The following PLOD2 variants were observed in gnomAD, a reference collection of about 807,000 sequenced individuals.
PLOD2 encodes lysine hydroxylase 2.
Under a neutral mutation model 101.0 loss-of-function variants are expected in PLOD2, and 65 were observed. The ratio of observed to expected loss-of-function variants is 0.64; its 90% CI spans 0.53 to 0.79. The LOEUF is 0.79. Among genes scored for constraint, PLOD2 ranks in the 30% least tolerant of loss-of-function variants. PLOD2 has a pLI of 0.00. For synonymous variants in PLOD2, 314 were observed against 302.9 expected (o/e 1.04, Z -0.38); for missense variants, 909 against 914.6 (o/e 0.99, Z 0.08).
At chr3:146,110,131 TC>T (rs1937601814) in intron 4 of PLOD2, among the ~76,000 whole-genome samples, 153 bp downstream of exon 4, 1 of 152,122 alleles carries the variant, frequency 6.6e-6, no homozygotes, top group African/African-American at 2.4e-5. Context: ...GAACACCAAC[TC>T]ACATAATACA....
At chr3:146,108,912 T>C (rs1037131083) in intron 4 of PLOD2, among the ~76,000 whole-genome samples, 3 of 152,132 alleles carry the variant, frequency 2.0e-5, no homozygotes, top group African/African-American at 7.2e-5. Flanking sequence ...AAAAAATTGG[T>C]TTTAAACAAT....
intron 19 of PLOD2, 61 bp from the exon 20 acceptor site, chr3:146,070,933 TTATG>T: frequency 6.5e-7 from 1 of 1,532,274 alleles, no homozygotes; most frequent in Non-Finnish European, 9.0e-7. Flanking sequence ...AAAATTCAAA[TTATG>T]TCATTTGAGC....
chr3:146,130,107 T>C (rs2030821926), intron 1 of PLOD2, among the ~76,000 whole-genome samples: 1 of 152,138 alleles, frequency 6.6e-6, no homozygotes, highest in African/African-American at 2.4e-5. Flanking sequence ...CTCCACTTTG[T>C]TCTCTCTTCT....
chr3:146,161,110 G>C lies in PLOD2; in HGVS notation c.-121C>G. On this transcript the variant is annotated 5_prime_UTR_variant, in exon 1 of 20. Transcript: ENST00000282903. ...GCCGATTGCGGGCGGGAGCCGGCGG[G>C]CAAGGCGCGCGGCCGGCAGCCGGAG... 1.9e-6 allele frequency: 1 copy of C among 525,100 alleles called. No homozygotes were observed. The highest frequency in any genetic ancestry group is 3.0e-6 in the Non-Finnish European group (1 of 328,132). 32.5% of individuals were successfully genotyped at this position (525,100 alleles called of 1,614,324 possible).
intron 1 of PLOD2, among the ~76,000 whole-genome samples, chr3:146,147,181 T>A (rs949446064): frequency 2.0e-5 from 3 of 151,960 alleles, no homozygotes; most frequent in Non-Finnish European, 4.4e-5. Flanking sequence ...ACTGTAGGAG[T>A]TCAACATTGA....
chr3:146,123,633 C>T (rs182888980), intron 2 of PLOD2, among the ~76,000 whole-genome samples: 1 of 152,066 alleles, frequency 6.6e-6, no homozygotes, highest in East Asian at 1.9e-4. Context: ...TAGCAAAACC[C>T]ATTACAGAAA....
chr3:146,071,368 T>G lies in PLOD2; in HGVS notation c.1904A>C (p.Lys635Thr). 3 of 1,612,046 alleles carry G rather than the reference T, an allele frequency of 1.9e-6. No individual in the cohort carries two copies. The highest frequency in any genetic ancestry group is 8.5e-7 in the Non-Finnish European group (1 of 1,178,616). The change falls in exon 18 of 20, where the codon AAG (lysine) becomes ACG (threonine). Residue 635 changes from lysine (K) to threonine (T), a missense_variant. Transcript: ENST00000282903. ...CCATACATTCTCCAGATCAACTTGC[T>G]TCATGTGGATATCATCAGTTGGGAC... ...ENVPTDDIHM[K>T]QVDLENVWLH...
chr3:146,106,179 T>A (rs1211593866), intron 5 of PLOD2, among the ~76,000 whole-genome samples: 3 of 152,126 alleles, frequency 2.0e-5, no homozygotes, highest in South Asian at 4.1e-4. Context: ...ATGACAGTGG[T>A]GTGAGGGCTG....
chr3:146,115,042 C>A (rs1043546946), intron 3 of PLOD2, among the ~76,000 whole-genome samples: 8 of 152,070 alleles, frequency 5.3e-5, no homozygotes, highest in African/African-American at 1.9e-4. Context: ...GCTGGTTTTG[C>A]GGCTTGGGGG....
intron 7 of PLOD2, among the ~76,000 whole-genome samples, chr3:146,102,431 T>TA (rs1434829824): frequency 2.6e-5 from 4 of 152,276 alleles, no homozygotes; most frequent in African/African-American, 9.6e-5. Flanking sequence ...AATGATCTCT[T>TA]AATGTCCTGA....
intron 1 of PLOD2, among the ~76,000 whole-genome samples, chr3:146,148,517 T>C (rs1242015878): frequency 6.6e-6 from 1 of 152,168 alleles, no homozygotes; most frequent in Non-Finnish European, 1.5e-5. Flanking sequence ...CTAGTCTCCT[T>C]GTATAGTGAG....
intron 7 of PLOD2, among the ~76,000 whole-genome samples, chr3:146,098,843 CA>C (rs1472916087): frequency 2.0e-5 from 3 of 152,020 alleles, no homozygotes; most frequent in Non-Finnish European, 4.4e-5. Flanking sequence ...TACAAAAAAT[CA>C]TACCAAAAAA....
chr3:146,102,067 A>G (rs987135246), intron 7 of PLOD2, among the ~76,000 whole-genome samples: 1 of 152,216 alleles, frequency 6.6e-6, no homozygotes, highest in Non-Finnish European at 1.5e-5. Context: ...TCTTCCCACA[A>G]CAAAAATCTG....
Position 146,106,671 on chromosome 3 carries a change from T to A in PLOD2, c.503-27A>T, listed in dbSNP as rs573841249. 12 of 1,166,918 alleles carry A rather than the reference T, an allele frequency of 1.0e-5. No individual in the cohort carries two copies. In the African/African-American group the frequency reaches 1.8e-4, roughly 18 times the overall value. 72.3% of individuals were successfully genotyped at this position (1,166,918 alleles called of 1,614,324 possible). A position where few individuals can be genotyped will look rare whatever the true frequency, so the allele number is the denominator to read the frequency against. ...TGCAACACAGCAGAGAGAAAGTAGA[T>A]AATTTAGGATTCAAAGACCAAAACT... On this transcript the variant is annotated intron_variant, in intron 4 of 19. Coordinates refer to ENST00000282903, the MANE Select transcript of PLOD2 (RefSeq NM_182943.3).
chr3:146,151,272 C>T (rs999838230), intron 1 of PLOD2, among the ~76,000 whole-genome samples: 4 of 151,888 alleles, frequency 2.6e-5, no homozygotes, highest in Admixed American at 6.6e-5. Flanking sequence ...CTGAGGTGGG[C>T]GGATCACCTG....
intron 4 of PLOD2, 46 bp downstream of exon 4, chr3:146,110,239 A>T: frequency 1.3e-6 from 2 of 1,536,594 alleles, no homozygotes; most frequent in Non-Finnish European, 1.8e-6. Flanking sequence ...TTGTTTCATT[A>T]GTCTTTATAA....
intron 13 of PLOD2, among the ~76,000 whole-genome samples, chr3:146,078,632 G>T (rs551770494): frequency 2.8e-4 from 42 of 151,836 alleles, no homozygotes; most frequent in African/African-American, 9.6e-4. Flanking sequence ...TACTAGTTTG[G>T]TGGTAATAAT....
intron 5 of PLOD2, chr3:146,105,103 G>C (rs1385685595): frequency 6.6e-6 from 1 of 152,192 alleles, no homozygotes; most frequent in East Asian, 1.9e-4. Flanking sequence ...TATCCCTCTT[G>C]ACAGCATAAA....
At position 146,086,791 on chromosome 3, in the gene PLOD2, C is replaced by A; in HGVS notation, c.1123G>T (p.Gly375Ter). Residue 375 changes from glycine to a stop codon, truncating the protein, a stop_gained, in exon 10 of 20, where the codon GGA (glycine) becomes TGA (stop). Transcript: ENST00000282903. LOFTEE classifies it high-confidence loss of function. The stretch of plus-strand genomic sequence containing the variant: ...TTTTAATTTATTAAAACATACATTC[C>A]CATGTTTCTGGCTTCCGCTTGACTT... The part of the protein sequence containing the change: ...NLSQAEARNM[G>*]MDFCRQDEKC... 2 of 1,458,648 alleles carry A rather than the reference C, an allele frequency of 1.4e-6. No homozygotes were observed. The highest frequency in any genetic ancestry group is 1.9e-6 in the Non-Finnish European group (2 of 1,077,378). 90.4% of individuals were successfully genotyped at this position (1,458,648 alleles called of 1,614,324 possible).
Sources: gnomAD v4.1 joint callset for allele counts (sites outside exome capture counted in the v4.1 genomes callset) on GRCh38, gnomAD v4.1.1 for gene constraint, MANE v1.5 for transcripts, NCBI Gene and HGNC (gene_info 2026-07-23, HGNC 2026-07-21) for gene names.